Variants in JARID2 observed in about 807,000 individuals in gnomAD.
JARID2 encodes the protein jumonji and AT-rich interaction domain containing 2.
In JARID2, 21 loss-of-function variants were observed where a neutral mutation model predicts 125.6. That is an observed-to-expected ratio of 0.17 (90% CI 0.12 to 0.24). The LOEUF (loss-of-function observed/expected upper bound fraction) is 0.24. Among genes scored for constraint, JARID2 ranks in the 10% least tolerant of loss-of-function variants. The pLI, the probability that JARID2 is intolerant of heterozygous loss-of-function variation, is 1.00. For synonymous variants in JARID2, 736 were observed against 661.6 expected, an observed-to-expected ratio of 1.11 and a Z score of -1.73; for missense variants, 1,303 against 1,639.6, an observed-to-expected ratio of 0.79 and a Z score of 3.55.
chr6:15,258,560 G>T (rs1759753771), intron 1 of JARID2, among the ~76,000 whole-genome samples: 1 of 152,176 alleles, frequency 6.6e-6, no homozygotes, highest in Non-Finnish European at 1.5e-5. Flanking sequence ...AAGGCGGGCG[G>T]ATCACAAGGT....
At chr6:15,415,840 C>CCCT in intron 3 of JARID2, among the ~76,000 whole-genome samples, 1 of 118,282 alleles carries the variant, frequency 8.5e-6, no homozygotes, top group African/African-American at 3.0e-5. Context: ...CCACCTCCCT[C>CCCT]CCGGACGGGG....
chr6:15,371,905 A>G (rs1042887414), intron 1 of JARID2, among the ~76,000 whole-genome samples: 20 of 152,200 alleles, frequency 1.3e-4, no homozygotes, highest in African/African-American at 4.1e-4. Context: ...GGCACTGCCC[A>G]GCAGTCGGAA....
intron 3 of JARID2, among the ~76,000 whole-genome samples, chr6:15,449,541 ACCAGTAGTC>A (rs1767823348): frequency 6.6e-6 from 1 of 151,726 alleles, no homozygotes; most frequent in Admixed American, 6.6e-5. Flanking sequence ...GGTGGCACAT[ACCAGTAGTC>A]CCAGCATTTA....
intron 1 of JARID2, among the ~76,000 whole-genome samples, chr6:15,370,160 A>C (rs1423110133): frequency 6.6e-6 from 1 of 152,128 alleles, no homozygotes; most frequent in East Asian, 1.9e-4. Context: ...TATATCAGGC[A>C]TGTTTTAGGA....
intron 1 of JARID2, among the ~76,000 whole-genome samples, chr6:15,291,427 G>A (rs1331882432): frequency 6.6e-6 from 1 of 152,184 alleles, no homozygotes; most frequent in Non-Finnish European, 1.5e-5. Context: ...GTTGTTAGGG[G>A]CACAATCTGT....
At chr6:15,406,238 G>A (rs537459326) in intron 2 of JARID2, among the ~76,000 whole-genome samples, 84 of 152,206 alleles carry the variant, frequency 5.5e-4, no homozygotes, top group African/African-American at 1.9e-3. Context: ...GATCAAGACC[G>A]TACTGGCCAA....
At chr6:15,329,038 A>G (rs1164179251) in intron 1 of JARID2, among the ~76,000 whole-genome samples, 2 of 152,198 alleles carry the variant, frequency 1.3e-5, no homozygotes, top group African/African-American at 4.8e-5. Context: ...CCTTGGGGCC[A>G]CATGAGCATC....
At chr6:15,272,904 T>A (rs1760351875) in intron 1 of JARID2, among the ~76,000 whole-genome samples, 2 of 152,246 alleles carry the variant, frequency 1.3e-5, no homozygotes, top group Admixed American at 1.3e-4. Context: ...TATTTTCTTC[T>A]CCCTGCTCCC....
At chr6:15,318,159 G>A (rs1368000035) in intron 1 of JARID2, among the ~76,000 whole-genome samples, 1 of 151,984 alleles carries the variant, frequency 6.6e-6, no homozygotes, top group East Asian at 1.9e-4. Context: ...ACAGTGAATC[G>A]AGAACCCTGC....
chr6:15,495,410 G>C (rs1243153329), intron 6 of JARID2, among the ~76,000 whole-genome samples: 1 of 152,148 alleles, frequency 6.6e-6, no homozygotes, highest in African/African-American at 2.4e-5. Context: ...GTTGGCATGT[G>C]TTGCTTCAAC....
chr6:15,346,354 A>C (rs946010926), intron 1 of JARID2, among the ~76,000 whole-genome samples: 1 of 152,138 alleles, frequency 6.6e-6, no homozygotes, highest in Non-Finnish European at 1.5e-5. Flanking sequence ...GTGGTTTTCC[A>C]CCATTTATTC....
chr6:15,428,148 G>T (rs1175612751), intron 3 of JARID2, among the ~76,000 whole-genome samples: 1 of 152,110 alleles, frequency 6.6e-6, no homozygotes, highest in Non-Finnish European at 1.5e-5. Flanking sequence ...AAATTTTAAG[G>T]AGGGGTTTTT....
chr6:15,409,393 G>A (rs1765784821), intron 2 of JARID2, among the ~76,000 whole-genome samples: 2 of 152,300 alleles, frequency 1.3e-5, no homozygotes, highest in South Asian at 2.1e-4. Flanking sequence ...AGTGGACAGC[G>A]GGTCTAGTTG....
intron 2 of JARID2, among the ~76,000 whole-genome samples, chr6:15,389,870 C>T (rs1363244876): frequency 2.6e-5 from 4 of 152,150 alleles, no homozygotes; most frequent in Non-Finnish European, 5.9e-5. Flanking sequence ...TTTGATGTTT[C>T]AGAGAGCCCT....
intron 4 of JARID2, among the ~76,000 whole-genome samples, chr6:15,457,818 A>G (rs1379573435): frequency 1.3e-5 from 2 of 152,170 alleles, no homozygotes; most frequent in Non-Finnish European, 2.9e-5. Flanking sequence ...TAGTATAGAT[A>G]TGTAAACACC....
rs547386328 is a variant in JARID2 at position 15,377,851 on chromosome 6, C to T, written c.181+3599C>T. 6.0e-3 allele frequency among the ~76,000 whole-genome samples: 894 copies of T among 148,066 alleles called. 3 individuals carry two copies. The highest frequency in any genetic ancestry group is 0.011 in the Non-Finnish European group (724 of 67,180). On this transcript the variant is annotated intron_variant, in intron 2 of 17. Transcript: ENST00000341776. ...CCGAGCCAGGATGGATAAGTCCATG[C>T]AAGATGTATGTTTTTTTTTCAATTT...
chr6:15,312,103 T>C (rs567355584), intron 1 of JARID2, among the ~76,000 whole-genome samples: 5 of 152,252 alleles, frequency 3.3e-5, no homozygotes, highest in Non-Finnish European at 7.3e-5. Context: ...TCACCCAGGC[T>C]GGAGTGCAGT....
intron 4 of JARID2, among the ~76,000 whole-genome samples, chr6:15,452,815 A>G (rs1006011884): frequency 1.3e-5 from 2 of 152,206 alleles, no homozygotes. Flanking sequence ...GCTGTGAGGA[A>G]AGAACACAGA....
chr6:15,487,992 ATG>A (rs1769964883), intron 6 of JARID2, among the ~76,000 whole-genome samples: 1 of 152,168 alleles, frequency 6.6e-6, no homozygotes, highest in African/African-American at 2.4e-5. Flanking sequence ...GAAGCAGAAT[ATG>A]TGCATGCTGT....
Sources: allele counts gnomAD v4.1 joint callset (sites outside exome capture counted in the v4.1 genomes callset), GRCh38; gene constraint gnomAD v4.1.1; transcripts MANE v1.5; gene names NCBI Gene and HGNC (gene_info 2026-07-23, HGNC 2026-07-21).